The following DLGAP4 variants were observed in gnomAD, a reference collection of about 807,000 sequenced individuals.
The protein encoded by DLGAP4 is disks large-associated protein 4.
DLGAP4 carries 18 observed loss-of-function variants against 86.9 expected under a neutral mutation model. That is an observed-to-expected ratio of 0.21 (90% confidence interval 0.14 to 0.31). The LOEUF (loss-of-function observed/expected upper bound fraction) is 0.31. DLGAP4 is among the 10% of genes least tolerant of loss of function. DLGAP4 has a pLI of 1.00. For missense variants in DLGAP4, 1,085 were observed against 1,362.6 expected, an observed-to-expected ratio of 0.80 and a Z score of 3.21; for synonymous variants, 548 against 574.3, an observed-to-expected ratio of 0.95 and a Z score of 0.65.
chr20:36,347,156 A>G (rs1390979204), intron 1 of DLGAP4, among the ~76,000 whole-genome samples: 1 of 152,050 alleles, frequency 6.6e-6, no homozygotes, highest in Non-Finnish European at 1.5e-5. Context: ...CTGGGGGCAG[A>G]ACCTCAAGGA....
chr20:36,526,031 G>C (rs781613054), intron 12 of DLGAP4, 25 bp downstream of exon 12: 2 of 1,613,538 alleles, frequency 1.2e-6, no homozygotes, highest in African/African-American at 2.7e-5. Flanking sequence ...GTGCGGAGGG[G>C]AAGTCCAGGG....
At chr20:36,320,080 G>A (rs1440999196) in intron 1 of DLGAP4, among the ~76,000 whole-genome samples, 10 of 93,002 alleles carry the variant, frequency 1.1e-4, no homozygotes, top group Non-Finnish European at 1.6e-4. Context: ...CTCTGTGTCC[G>A]CCTCCTCCAG....
chr20:36,439,658 G>T, intron 4 of DLGAP4, 96 bp from the exon 5 acceptor site: 2 of 1,048,844 alleles, frequency 1.9e-6, no homozygotes, highest in Non-Finnish European at 2.8e-6. Context: ...GGCATCACAG[G>T]TGTGGACCAC....
intron 7 of DLGAP4, chr20:36,461,751 G>GGGGGGCCCC: frequency 1.6e-6 from 1 of 618,852 alleles, no homozygotes; most frequent in Non-Finnish European, 1.9e-6. Context: ...CCGTCCGTCC[G>GGGGGGCCCC]CCCGCCCGCC....
chr20:36,432,590 G>A lies in DLGAP4; in HGVS notation c.873G>A (p.Arg291=). 6.2e-7 allele frequency: 1 copy of A among 1,611,794 alleles called. No homozygotes were observed. The highest frequency in any genetic ancestry group is 8.5e-7 in the Non-Finnish European group (1 of 1,179,256). The stretch of plus-strand genomic sequence containing the variant: ...GCACTGACACCAACTACGTCAAACG[G>A]GGCTCCTGGTCCACTCTGACCCTCA... ...GVGTDTNYVK[R]GSWSTLTLSH... Residue 291 remains arginine, a synonymous_variant, in exon 3 of 13, where the codon CGG becomes CGA. Transcript: ENST00000339266. The surrounding 1 kb of genome is among the most constrained non-coding windows in gnomAD (Gnocchi z 6.5).
chr20:36,310,868 G>A lies in DLGAP4; in HGVS notation c.-304+4356G>A, dbSNP rs926685907. 1.6e-4 allele frequency among the ~76,000 whole-genome samples: 24 copies of A among 152,186 alleles called. 1 individual carries two copies. The highest frequency in any genetic ancestry group is 3.1e-4 in the Non-Finnish European group (21 of 68,028). On this transcript the variant is annotated intron_variant, in intron 1 of 12. Transcript: ENST00000339266. ...TCACTGGGCATCTTTGAGAAAAGCTGTCACCGAGGAGTCCTGTGTGTTGCA... is the reference window on the plus strand; with the variant it reads ...TCACTGGGCATCTTTGAGAAAAGCTATCACCGAGGAGTCCTGTGTGTTGCA...
At chr20:36,392,123 G>C (rs2031803968) in intron 2 of DLGAP4, among the ~76,000 whole-genome samples, 1 of 152,198 alleles carries the variant, frequency 6.6e-6, no homozygotes. Context: ...GGGATGGAAA[G>C]CCAGTGAGCT....
Position 36,497,011 on chromosome 20 carries a change from C to T in DLGAP4, c.1955C>T (p.Ser652Phe). The T allele has an allele frequency of 1.2e-6, 2 of 1,613,584 alleles. No homozygotes were observed. Among genetic ancestry groups the T allele is most frequent in the Non-Finnish European group, 8.5e-7 (1 of 1,179,532 alleles). ...LKSEQGTLTS[S>F]ESHPEAAPKR... ...AGTGAACAAGGGACGCTGACCAGCTCTGAGTCCCACCCCGAGGCCGCCCCC... is the reference window on the plus strand; with the variant it reads ...AGTGAACAAGGGACGCTGACCAGCTTTGAGTCCCACCCCGAGGCCGCCCCC... The change falls in exon 8 of 13, where the codon TCT becomes TTT. Residue 652 changes from serine to phenylalanine, a missense_variant. Coordinates refer to ENST00000339266, the MANE Select transcript of DLGAP4 (RefSeq NM_001365621.2).
At chr20:36,398,986 A>C (rs1449388803) in intron 2 of DLGAP4, among the ~76,000 whole-genome samples, 2 of 152,194 alleles carry the variant, frequency 1.3e-5, no homozygotes, top group African/African-American at 2.4e-5. Flanking sequence ...TGAGGTCAGC[A>C]GTTCAAGACC....
At chr20:36,463,021 T>A in intron 7 of DLGAP4, among the ~76,000 whole-genome samples, 1 of 142,966 alleles carries the variant, frequency 7.0e-6, no homozygotes, top group South Asian at 2.5e-4. Context: ...GGGGGTGGGG[T>A]CAGCCTCCTA....
rs1354632068 is a variant in DLGAP4 at position 36,500,639 on chromosome 20, C to T, written c.2512+28C>T. The T allele has an allele frequency of 6.8e-7, 1 of 1,462,954 alleles. No individual in the cohort carries two copies. The highest frequency in any genetic ancestry group is 9.0e-7 in the Non-Finnish European group (1 of 1,106,820). 90.6% of individuals were successfully genotyped at this position (1,462,954 alleles called of 1,614,324 possible). Reference sequence around the variant, plus strand: ...GGGTGCCACATGGATGGTCCTTGGGCAAGGGTAGAAGGTGTTGGCAGCTGG... The same window carrying T: ...GGGTGCCACATGGATGGTCCTTGGGTAAGGGTAGAAGGTGTTGGCAGCTGG... On this transcript the variant is annotated intron_variant, in intron 10 of 12. Coordinates refer to ENST00000339266, the MANE Select transcript of DLGAP4 (RefSeq NM_001365621.2). This position sits in a 1 kb window ranked among gnomAD's most constrained non-coding sequence, Gnocchi z 4.6.
chr20:36,342,977 A>G (rs1480328816), intron 1 of DLGAP4, among the ~76,000 whole-genome samples: 1 of 152,060 alleles, frequency 6.6e-6, no homozygotes, highest in Non-Finnish European at 1.5e-5. Context: ...CACGTTCAGG[A>G]AAGAACAAGG....
chr20:36,393,618 G>T lies in DLGAP4; in HGVS notation c.-73+26343G>T, dbSNP rs989125538. ...TGGAGACTGACCCAGGCCAGAGCTTGTCCCAGCCCCAGCCCCTTTAGAGAG... is the reference window on the plus strand; with the variant it reads ...TGGAGACTGACCCAGGCCAGAGCTTTTCCCAGCCCCAGCCCCTTTAGAGAG... On this transcript the variant is annotated intron_variant, in intron 2 of 12. Transcript: ENST00000339266. This position sits in a 1 kb window ranked among gnomAD's most constrained non-coding sequence, Gnocchi z 4.4. Among the ~76,000 whole-genome samples the T allele has an allele frequency of 6.6e-6, 1 of 152,162 alleles. No homozygotes were observed. The highest frequency in any genetic ancestry group is 1.5e-5 in the Non-Finnish European group (1 of 68,022).
chr20:36,521,682 G>GC (rs2037387287), intron 10 of DLGAP4, among the ~76,000 whole-genome samples: 3 of 152,144 alleles, frequency 2.0e-5, no homozygotes, highest in South Asian at 4.1e-4. Flanking sequence ...CTCCAGGGTG[G>GC]CCTTGTTTCT....
intron 10 of DLGAP4, among the ~76,000 whole-genome samples, chr20:36,514,016 A>G (rs2036887669): frequency 7.2e-5 from 11 of 152,238 alleles, no homozygotes; most frequent in Admixed American, 7.2e-4. Flanking sequence ...ATTAAGATGA[A>G]TAAGATGAGA....
intron 11 of DLGAP4, 172 bp from the exon 12 acceptor site, chr20:36,525,679 G>T: frequency 1.2e-6 from 1 of 838,340 alleles, no homozygotes; most frequent in Non-Finnish European, 1.8e-6. Context: ...TAGGGCTGGT[G>T]CTGACCAGAA....
At position 36,499,583 on chromosome 20, in the gene DLGAP4, A is replaced by T. The variant is rs1312444091; in HGVS notation, c.2011-5A>T. 3 of 1,613,662 alleles carry T rather than the reference A, an allele frequency of 1.9e-6. No individual in the cohort carries two copies. The East Asian group carries it at 6.7e-5, about 36-fold the overall frequency. ...GTGCCGTTGCTGTCGTTGTCCTTCA[A>T]TAAGGTTGACTGCATTCAGCCAGTG... On this transcript the variant is annotated splice_polypyrimidine_tract_variant and splice_region_variant and intron_variant, in intron 8 of 12. Transcript: ENST00000339266.
At chr20:36,521,416 G>A (rs2037373323) in intron 10 of DLGAP4, among the ~76,000 whole-genome samples, 1 of 152,034 alleles carries the variant, frequency 6.6e-6, no homozygotes, top group Non-Finnish European at 1.5e-5. Flanking sequence ...AAAGTACCCA[G>A]GTGCAGTCTT....
intron 2 of DLGAP4, among the ~76,000 whole-genome samples, chr20:36,394,124 T>G (rs1424626101): frequency 2.6e-5 from 4 of 152,154 alleles, no homozygotes; most frequent in Admixed American, 6.5e-5. Flanking sequence ...ACACATATCA[T>G]CCTGTCAATT....
Sources: allele counts gnomAD v4.1 joint callset (sites outside exome capture counted in the v4.1 genomes callset), GRCh38; gene constraint gnomAD v4.1.1; non-coding constraint Gnocchi (gnomAD v3.1); transcripts MANE v1.5; gene names NCBI Gene and HGNC (gene_info 2026-07-23, HGNC 2026-07-21).